STAM: variants seen among roughly 807,000 people sequenced by gnomAD.
The protein encoded by STAM is signal transducing adaptor molecule, also known as signal transducing adapter molecule 1.
A neutral mutation model predicts 63.4 loss-of-function variants in STAM; 16 were observed. That is an observed-to-expected ratio of 0.25 (90% CI 0.17 to 0.38). The LOEUF (loss-of-function observed/expected upper bound fraction) is 0.38, where lower values mean the gene tolerates loss of function less well. Among genes scored for constraint, STAM ranks in the 10% least tolerant of loss-of-function variants. The pLI, the probability that STAM is intolerant of heterozygous loss-of-function variation, is 1.00. For synonymous variants in STAM, 238 were observed against 223.9 expected (o/e 1.06, Z -0.56); for missense variants, 636 against 657.1 (o/e 0.97, Z 0.35).
At chr10:17,690,735 A>C (rs1835494248) in intron 5 of STAM, among the ~76,000 whole-genome samples, 2 of 152,232 alleles carry the variant, frequency 1.3e-5, no homozygotes, top group South Asian at 4.1e-4. Flanking sequence ...TACAGAAGAA[A>C]ATAATGTAAA....
intron 13 of STAM, among the ~76,000 whole-genome samples, chr10:17,714,215 C>T (rs1463796866): frequency 2.0e-5 from 3 of 152,076 alleles, no homozygotes; most frequent in African/African-American, 4.8e-5. Flanking sequence ...TTGTTCTTAC[C>T]AGTTAGAACC....
chr10:17,696,534 A>T, intron 7 of STAM: 1 of 373,212 alleles, frequency 2.7e-6, no homozygotes, highest in Non-Finnish European at 4.8e-6. Flanking sequence ...TTTGGGAGAG[A>T]GTCCATAACT....
At chr10:17,699,167 T>C (rs770011956) in intron 8 of STAM, among the ~76,000 whole-genome samples, 10 of 152,246 alleles carry the variant, frequency 6.6e-5, no homozygotes, top group Non-Finnish European at 8.8e-5. Context: ...TTGTCATTTA[T>C]TAGCTTTCTC....
At chr10:17,659,669 C>A (rs750843711) in intron 1 of STAM, among the ~76,000 whole-genome samples, 1 of 151,838 alleles carries the variant, frequency 6.6e-6, no homozygotes, top group Non-Finnish European at 1.5e-5. Flanking sequence ...TGCTCTGCTG[C>A]CCAGACTGGT....
intron 6 of STAM, among the ~76,000 whole-genome samples, chr10:17,693,646 G>A (rs1345671747): frequency 6.6e-6 from 1 of 152,114 alleles, no homozygotes; most frequent in Non-Finnish European, 1.5e-5. Context: ...AGATCTATTC[G>A]TGTGATATAT....
chr10:17,706,395 T>TTC (rs1836276635), intron 12 of STAM, among the ~76,000 whole-genome samples: 2 of 134,116 alleles, frequency 1.5e-5, no homozygotes, highest in African/African-American at 5.6e-5. Flanking sequence ...TTTTTTTTTT[T>TTC]TGAGGCGGAG....
intron 2 of STAM, among the ~76,000 whole-genome samples, chr10:17,682,330 A>T (rs894579366): frequency 5.3e-5 from 8 of 152,200 alleles, no homozygotes; most frequent in African/African-American, 1.9e-4. Flanking sequence ...GGGAAGAGGT[A>T]TTACATTGTG....
chr10:17,664,708 C>CT (rs1461503542), intron 2 of STAM, among the ~76,000 whole-genome samples: 26 of 152,156 alleles, frequency 1.7e-4, no homozygotes, highest in Non-Finnish European at 2.9e-4. Flanking sequence ...CAGGTAGAGT[C>CT]TTTTGAAGTA....
chr10:17,693,103 T>G, intron 5 of STAM, 119 bp from the exon 6 acceptor site: 3 of 750,144 alleles, frequency 4.0e-6, no homozygotes, highest in Non-Finnish European at 6.5e-6. Context: ...GCAGTTTGGA[T>G]TTCTTCTTTC....
intron 13 of STAM, among the ~76,000 whole-genome samples, chr10:17,712,484 G>A (rs1338415460): frequency 5.9e-5 from 9 of 152,270 alleles, no homozygotes; most frequent in South Asian, 4.1e-4. Flanking sequence ...TTAAATTACC[G>A]TCTCTTATAA....
intron 2 of STAM, among the ~76,000 whole-genome samples, chr10:17,672,267 T>C (rs11598400): frequency 0.019 from 2,913 of 152,296 alleles, 30 homozygotes; most frequent in Middle Eastern, 0.027. Flanking sequence ...GTAAATAATA[T>C]AGTGACATTG....
At chr10:17,712,710 T>C (rs1473305984) in intron 13 of STAM, among the ~76,000 whole-genome samples, 6 of 152,296 alleles carry the variant, frequency 3.9e-5, no homozygotes, top group Non-Finnish European at 4.4e-5. Context: ...TAACCTAGTG[T>C]CTTACAGTGG....
rs868979180 is a variant in STAM, at chr10:17,674,370, G to A, written c.126-10305G>A. On this transcript the variant is annotated intron_variant, in intron 2 of 13. Coordinates refer to ENST00000377524, the MANE Select transcript of STAM (RefSeq NM_003473.4). Reference sequence around the variant, plus strand: ...GGGTTAACAGCTGGGCAGTTCTTGCGTGGGGTCTGTCATGAAGTTGTAGTC... The same window carrying A: ...GGGTTAACAGCTGGGCAGTTCTTGCATGGGGTCTGTCATGAAGTTGTAGTC... Among the ~76,000 whole-genome samples, 13 of 152,244 alleles carry A rather than the reference G, an allele frequency of 8.5e-5. No homozygotes were observed. In the East Asian group the frequency reaches 9.6e-4, roughly 11 times the overall value.
chr10:17,714,535 C>T lies in STAM; in HGVS notation c.1386-8C>T, dbSNP rs782112227. On this transcript the variant is annotated splice_polypyrimidine_tract_variant and splice_region_variant and intron_variant, in intron 13 of 13. Coordinates refer to ENST00000377524, the MANE Select transcript of STAM (RefSeq NM_003473.4). ...TTGATGTAATTGAGTGTTTTTCTTC[C>T]TCCACAGTACAATGGTCAGTTCCGT... 1.2e-6 allele frequency: 2 copies of T among 1,612,272 alleles called. No individual in the cohort carries two copies. Among genetic ancestry groups the T allele is most frequent in the South Asian group, 2.2e-5 (2 of 91,032 alleles).
intron 13 of STAM, among the ~76,000 whole-genome samples, chr10:17,714,149 A>G (rs1345599416): frequency 1.3e-5 from 2 of 152,172 alleles, no homozygotes; most frequent in African/African-American, 4.8e-5. Context: ...GCACCCTACC[A>G]TAAACTAGAA....
intron 4 of STAM, among the ~76,000 whole-genome samples, 174 bp downstream of exon 4, chr10:17,685,101 T>A (rs1454503914): frequency 6.6e-6 from 1 of 152,264 alleles, no homozygotes; most frequent in Non-Finnish European, 1.5e-5. Flanking sequence ...CGGATTCATG[T>A]AACTTTGAGT....
intron 5 of STAM, among the ~76,000 whole-genome samples, chr10:17,689,063 A>C (rs1835420938): frequency 6.6e-6 from 1 of 152,202 alleles, no homozygotes; most frequent in South Asian, 2.1e-4. Context: ...TAAATAGCTT[A>C]ACTTTGCTCT....
intron 2 of STAM, among the ~76,000 whole-genome samples, chr10:17,666,863 CT>C: frequency 6.6e-6 from 1 of 152,272 alleles, no homozygotes; most frequent in Non-Finnish European, 1.5e-5. Context: ...TCTTTCAAGT[CT>C]TTTTTTCTTC....
Position 17,704,480 on chromosome 10 carries a change from A to T in STAM, c.962A>T (p.Asp321Val). 1 of 1,614,156 alleles carries T rather than the reference A, an allele frequency of 6.2e-7. No individual in the cohort carries two copies. The highest frequency in any genetic ancestry group is 2.2e-5 in the East Asian group (1 of 44,870). Residue 321 changes from aspartate (D) to valine (V), a missense_variant, in exon 10 of 14, where the codon GAT (aspartate) becomes GTT (valine). Asp to Val is a radical substitution (Grantham distance 152, BLOSUM62 -3). This residue lies in a region of STAM where 532 missense variants were observed against 536.9 expected (regional missense o/e 0.99). Transcript: ENST00000377524. The stretch of plus-strand genomic sequence containing the variant: ...ATGCTGCAAAGTACAGACCCCAGTG[A>T]TGATCAGCCAGACCTACCAGAGCTG... The part of the protein sequence containing the change: ...LQMLQSTDPS[D>V]DQPDLPELLH...
Sources: gnomAD v4.1 joint callset for allele counts (sites outside exome capture counted in the v4.1 genomes callset) on GRCh38, gnomAD v4.1.1 for gene constraint, gnomAD v4.1.1 regional missense constraint, MANE v1.5 for transcripts, NCBI Gene and HGNC (gene_info 2026-07-23, HGNC 2026-07-21) for gene names.